Variants in CPA6 observed in about 807,000 individuals in gnomAD.
The protein encoded by CPA6 is carboxypeptidase B.
CPA6 carries 58 observed loss-of-function variants against 63.3 expected under a neutral mutation model. The ratio of observed to expected loss-of-function variants is 0.92; its 90% CI spans 0.74 to 1.14. CPA6 has a LOEUF of 1.14. CPA6 is among the 50% of genes most tolerant of loss of function. The pLI is 0.00. For synonymous variants in CPA6, 185 were observed against 179.0 expected (o/e 1.03, Z -0.27); for missense variants, 565 against 526.6 (o/e 1.07, Z -0.71).
Position 67,664,678 on chromosome 8 carries a change from G to T in CPA6, c.117-40427C>A, listed in dbSNP as rs529450843. Among the ~76,000 whole-genome samples the T allele has an allele frequency of 3.3e-5, 5 of 152,196 alleles. No individual in the cohort carries two copies. The East Asian group carries it at 5.8e-4, about 18-fold the overall frequency. The stretch of plus-strand genomic sequence containing the variant: ...GGGCTCTAGAAGTGAGTTTGAGGTT[G>T]TTTGGGTGTGGATTTCAGGGCCTCA... On this transcript the variant is annotated intron_variant, in intron 1 of 10. Coordinates refer to ENST00000297770, the MANE Select transcript of CPA6 (RefSeq NM_020361.5).
chr8:67,607,164 T>C (rs1378177129), intron 2 of CPA6, among the ~76,000 whole-genome samples: 2 of 91,666 alleles, frequency 2.2e-5, no homozygotes, highest in Admixed American at 1.2e-4. Context: ...CTCTTCTTCT[T>C]CTTCCTCTTC....
chr8:67,548,536 C>T (rs1254124902), intron 2 of CPA6, among the ~76,000 whole-genome samples: 1 of 151,990 alleles, frequency 6.6e-6, no homozygotes, highest in African/African-American at 2.4e-5. Context: ...AGGCATGAGC[C>T]ACTGTGCCCA....
chr8:67,488,168 G>C (rs1380202509), intron 6 of CPA6, among the ~76,000 whole-genome samples: 7 of 152,262 alleles, frequency 4.6e-5, no homozygotes, highest in African/African-American at 1.4e-4. Context: ...TTTTCTTCTA[G>C]GGTTTTTATG....
intron 2 of CPA6, among the ~76,000 whole-genome samples, chr8:67,545,719 C>A (rs889832866): frequency 2.6e-5 from 4 of 151,982 alleles, no homozygotes; most frequent in Admixed American, 2.0e-4. Context: ...TGTGCCACCA[C>A]GCCCAGCTAA....
intron 2 of CPA6, among the ~76,000 whole-genome samples, chr8:67,598,289 T>C (rs1190683934): frequency 6.6e-6 from 1 of 152,222 alleles, no homozygotes; most frequent in African/African-American, 2.4e-5. Flanking sequence ...GTAATTCTTA[T>C]TACCTTGCTT....
At chr8:67,595,219 C>T (rs1814291694) in intron 2 of CPA6, among the ~76,000 whole-genome samples, 1 of 152,180 alleles carries the variant, frequency 6.6e-6, no homozygotes, top group African/African-American at 2.4e-5. Context: ...ATGAATGCTG[C>T]TGTCTGATCG....
chr8:67,647,678 C>T (rs1005334326), intron 1 of CPA6, among the ~76,000 whole-genome samples: 9 of 152,076 alleles, frequency 5.9e-5, no homozygotes, highest in South Asian at 4.1e-4. Flanking sequence ...AAAGTCTGGA[C>T]GCAATAAAGA....
chr8:67,722,219 A>G (rs1302918282), intron 1 of CPA6, among the ~76,000 whole-genome samples: 1 of 152,114 alleles, frequency 6.6e-6, no homozygotes, highest in Non-Finnish European at 1.5e-5. Flanking sequence ...CCTATATTTG[A>G]CCTTCGGCAG....
chr8:67,725,855 A>G (rs949952897), intron 1 of CPA6, among the ~76,000 whole-genome samples: 1 of 152,182 alleles, frequency 6.6e-6, no homozygotes, highest in Non-Finnish European at 1.5e-5. Context: ...TTTACATTAT[A>G]AAACACAAAA....
intron 1 of CPA6, among the ~76,000 whole-genome samples, chr8:67,730,265 A>C (rs1182354847): frequency 6.6e-6 from 1 of 152,206 alleles, no homozygotes; most frequent in Non-Finnish European, 1.5e-5. Context: ...AGGATGGCTC[A>C]CAGAACTTAG....
chr8:67,723,910 G>C (rs1817550143), intron 1 of CPA6, among the ~76,000 whole-genome samples: 1 of 152,058 alleles, frequency 6.6e-6, no homozygotes, highest in African/African-American at 2.4e-5. Flanking sequence ...TGGTGGATTT[G>C]AATTATAACC....
chr8:67,517,378 G>A (rs1812167737), intron 3 of CPA6, among the ~76,000 whole-genome samples: 1 of 152,096 alleles, frequency 6.6e-6, no homozygotes, highest in African/African-American at 2.4e-5. Flanking sequence ...CCACTAACAT[G>A]TGCCTCCTTT....
rs189309687 is a variant in CPA6, at chr8:67,586,291, G to A, written c.192+37885C>T. Among the ~76,000 whole-genome samples the A allele has an allele frequency of 2.4e-3, 360 of 152,190 alleles. 2 individuals carry two copies. Among genetic ancestry groups the A allele is most frequent in the Admixed American group, 5.6e-3 (86 of 15,278 alleles). On this transcript the variant is annotated intron_variant, in intron 2 of 10. Transcript: ENST00000297770. ...GTTCTGCTGCAAGTACTACTGAGCC[G>A]CCAATAGGGGCTTCTACGTGGGCTT...
intron 2 of CPA6, among the ~76,000 whole-genome samples, chr8:67,523,693 T>C (rs1812305707): frequency 6.6e-6 from 1 of 152,242 alleles, no homozygotes; most frequent in African/African-American, 2.4e-5. Flanking sequence ...GCTTACTTAT[T>C]GGCCTGGCCT....
intron 1 of CPA6, among the ~76,000 whole-genome samples, chr8:67,721,497 T>A (rs1968308): frequency 0.55 from 82,931 of 152,122 alleles, 25,451 homozygotes; most frequent in East Asian, 0.66. Flanking sequence ...AAGATTTTGA[T>A]GTACCTTGTC....
chr8:67,455,184 C>A (rs1810643424), intron 8 of CPA6, among the ~76,000 whole-genome samples: 1 of 152,072 alleles, frequency 6.6e-6, no homozygotes, highest in South Asian at 2.1e-4. Context: ...TGGAGGGGTA[C>A]CAGAAGCCGC....
chr8:67,487,403 T>C (rs1811503451), intron 6 of CPA6, among the ~76,000 whole-genome samples: 1 of 152,236 alleles, frequency 6.6e-6, no homozygotes, highest in Non-Finnish European at 1.5e-5. Flanking sequence ...TATGGCTGCA[T>C]AGTATTCCAT....
chr8:67,534,619 T>C (rs1244695188), intron 2 of CPA6, among the ~76,000 whole-genome samples: 2 of 152,232 alleles, frequency 1.3e-5, no homozygotes, highest in African/African-American at 4.8e-5. Flanking sequence ...TATCAGGCAG[T>C]GCTTGTCTAA....
intron 8 of CPA6, among the ~76,000 whole-genome samples, chr8:67,463,682 C>G (rs964940112): frequency 2.0e-5 from 3 of 152,060 alleles, no homozygotes; most frequent in African/African-American, 7.2e-5. Context: ...TCCTTCCCTC[C>G]CACCTCTAGT....
Sources: gnomAD v4.1 joint callset for allele counts (sites outside exome capture counted in the v4.1 genomes callset) on GRCh38, gnomAD v4.1.1 for gene constraint, MANE v1.5 for transcripts, NCBI Gene and HGNC (gene_info 2026-07-23, HGNC 2026-07-21) for gene names.